EVI5: variants seen among roughly 807,000 people sequenced by gnomAD.
The protein encoded by EVI5 is ecotropic viral integration site 5 protein homolog.
A neutral mutation model predicts 112.0 loss-of-function variants in EVI5; 73 were observed. The observed-to-expected ratio is 0.65, with a 90% CI of 0.54 to 0.79. EVI5 has a LOEUF of 0.79. Ranked by LOEUF, EVI5 falls within the 30% of genes least tolerant of loss-of-function variation. The probability of loss-of-function intolerance (pLI) is 0.00; values close to 1 mark genes in which losing one functional copy is unlikely to be tolerated. For missense variants in EVI5, 900 were observed against 968.8 expected (o/e 0.93, Z 0.94); for synonymous variants, 305 against 319.9 (o/e 0.95, Z 0.50).
chr1:92,571,157 T>C (rs1670272306), intron 18 of EVI5, among the ~76,000 whole-genome samples: 1 of 150,120 alleles, frequency 6.7e-6, no homozygotes, highest in Non-Finnish European at 1.5e-5. Flanking sequence ...CATTAAGTCA[T>C]TGCTTCTGTG....
At chr1:92,686,738 C>A (rs1668596693) in intron 9 of EVI5, among the ~76,000 whole-genome samples, 1 of 152,132 alleles carries the variant, frequency 6.6e-6, no homozygotes, top group Non-Finnish European at 1.5e-5. Context: ...ACAAGTATTT[C>A]TATACACCAA....
chr1:92,557,692 T>C (rs779480265), intron 19 of EVI5, among the ~76,000 whole-genome samples: 1 of 152,122 alleles, frequency 6.6e-6, no homozygotes, highest in Non-Finnish European at 1.5e-5. Flanking sequence ...TCATCCATTG[T>C]TCTCTGACAA....
chr1:92,625,686 TCA>T, intron 15 of EVI5, 106 bp downstream of exon 15: 1 of 845,954 alleles, frequency 1.2e-6, no homozygotes, highest in Admixed American at 2.4e-5. Context: ...AGGGTCTCTC[TCA>T]CTTTAAACTC....
At chr1:92,789,679 T>C (rs1324476540), upstream of EVI5, among the ~76,000 whole-genome samples, 1 of 152,176 alleles carries the variant, frequency 6.6e-6, no homozygotes, top group Non-Finnish European at 1.5e-5. Flanking sequence ...AGCCTTAGCA[T>C]TGATTTGGGT....
At position 92,779,931 on chromosome 1, in the gene EVI5, C is replaced by T. The variant is rs139497931; in HGVS notation, c.-82+4905G>A. On this transcript the variant is annotated intron_variant, in intron 1 of 19. Transcript: ENST00000684568. ...AGTTGGACTCTAGTCTAGGTTCCCT[C>T]CTCTGCCACCATTCCTATCTCATAA... 3.2e-3 allele frequency among the ~76,000 whole-genome samples: 488 copies of T among 152,244 alleles called. 3 individuals are homozygous for T. The highest frequency in any genetic ancestry group is 3.3e-3 in the Non-Finnish European group (225 of 68,018).
rs1280255233 is a variant in EVI5, at chr1:92,561,551, CTGA to C, written c.2166+2088_2166+2090del. 7.8e-4 allele frequency among the ~76,000 whole-genome samples: 12 copies of C among 15,404 alleles called. No individual in the cohort carries two copies. In the Admixed American group the frequency reaches 8.0e-3, roughly 10 times the overall value. 10.1% of individuals were successfully genotyped at this position (15,404 alleles called of 152,430 possible). On this transcript the variant is annotated intron_variant, in intron 19 of 19. Coordinates refer to ENST00000684568, the MANE Select transcript of EVI5 (RefSeq NM_001350197.2). ...TTATTTTCTGGCAGTCCTGATGAGA[CTGA>C]CTATCTATCTATCTATCTATCTATC...
intron 16 of EVI5, among the ~76,000 whole-genome samples, chr1:92,619,075 G>C (rs1198353516): frequency 6.6e-6 from 1 of 152,122 alleles, no homozygotes; most frequent in Admixed American, 6.6e-5. Flanking sequence ...GACAAGGGGT[G>C]GACTTGTGAT....
intron 16 of EVI5, among the ~76,000 whole-genome samples, chr1:92,612,008 C>T (rs1651944767): frequency 6.6e-6 from 1 of 151,778 alleles, no homozygotes. Flanking sequence ...AGCTCTGACT[C>T]CATAAAATAA....
At chr1:92,633,037 C>A (rs1451358842) in intron 14 of EVI5, among the ~76,000 whole-genome samples, 1 of 152,116 alleles carries the variant, frequency 6.6e-6, no homozygotes, top group Non-Finnish European at 1.5e-5. Context: ...TGGTTTGAGA[C>A]ACAGTTTGTT....
intron 1 of EVI5, among the ~76,000 whole-genome samples, chr1:92,747,923 G>T (rs1407398379): frequency 6.6e-6 from 1 of 151,964 alleles, no homozygotes; most frequent in Non-Finnish European, 1.5e-5. Context: ...CAAGCACTTG[G>T]ATCTCAGCCT....
chr1:92,635,280 G>T (rs1371864760), intron 14 of EVI5, among the ~76,000 whole-genome samples: 3 of 152,114 alleles, frequency 2.0e-5, no homozygotes, highest in Non-Finnish European at 4.4e-5. Flanking sequence ...CCCCGAGGTG[G>T]AGTCTACAGG....
chr1:92,656,578 T>C (rs1483023186), intron 13 of EVI5, among the ~76,000 whole-genome samples: 1 of 150,008 alleles, frequency 6.7e-6, no homozygotes, highest in East Asian at 2.0e-4. Flanking sequence ...CAACAAAATA[T>C]ACTAAGGATC....
chr1:92,674,435 A>G (rs1666380140), intron 10 of EVI5, among the ~76,000 whole-genome samples: 1 of 152,212 alleles, frequency 6.6e-6, no homozygotes, highest in Non-Finnish European at 1.5e-5. Context: ...TAACACAGGA[A>G]CAGAATACCA....
rs145519947 is a variant in EVI5 at position 92,784,254 on chromosome 1, C to T, written c.-82+582G>A. The T allele has an allele frequency of 4.3e-4, 419 of 971,124 alleles. 2 individuals carry two copies. In the African/African-American group the frequency reaches 7.0e-3, roughly 16 times the overall value. The allele number at this position is 971,124 out of a possible 1,614,324, so 60.2% of individuals were successfully genotyped here. On this transcript the variant is annotated intron_variant, in intron 1 of 19. Transcript: ENST00000684568. Reference sequence around the variant, plus strand: ...ACACCAACACCACAATCCAACCTACCGGAAATCCTGAGGTTAATTTGAGGC... The same window carrying T: ...ACACCAACACCACAATCCAACCTACTGGAAATCCTGAGGTTAATTTGAGGC...
At chr1:92,608,909 C>A (rs1027156771) in intron 16 of EVI5, among the ~76,000 whole-genome samples, 2 of 152,178 alleles carry the variant, frequency 1.3e-5, no homozygotes, top group East Asian at 1.9e-4. Context: ...TCTCTATTTC[C>A]TTATTTGAAA....
At chr1:92,612,583 G>A (rs867127418) in intron 16 of EVI5, among the ~76,000 whole-genome samples, 3 of 152,024 alleles carry the variant, frequency 2.0e-5, no homozygotes, top group South Asian at 4.2e-4. Context: ...GGTAGCATGC[G>A]CCTGTAGTCC....
chr1:92,588,643 A>G (rs1673193008), intron 18 of EVI5, among the ~76,000 whole-genome samples: 1 of 152,208 alleles, frequency 6.6e-6, no homozygotes. Flanking sequence ...TCATTCTACC[A>G]TAAAGCTCAA....
chr1:92,519,520 A>G (rs539878755), intron 19 of EVI5, among the ~76,000 whole-genome samples: 1 of 152,352 alleles, frequency 6.6e-6, no homozygotes, highest in East Asian at 1.9e-4. Flanking sequence ...AAACACTCAC[A>G]TTAAAACACT....
At chr1:92,649,071 T>A (rs1379450112) in intron 13 of EVI5, among the ~76,000 whole-genome samples, 1 of 152,242 alleles carries the variant, frequency 6.6e-6, no homozygotes, top group Non-Finnish European at 1.5e-5. Flanking sequence ...TCCATTATAA[T>A]GGATGTGAAG....
Sources: gnomAD v4.1 joint callset for allele counts (sites outside exome capture counted in the v4.1 genomes callset) on GRCh38, gnomAD v4.1.1 for gene constraint, MANE v1.5 for transcripts, NCBI Gene and HGNC (gene_info 2026-07-23, HGNC 2026-07-21) for gene names.